Variants in MEMO1 observed in about 807,000 individuals in gnomAD.
MEMO1 encodes mediator of cell motility 1.
In MEMO1, 6 loss-of-function variants were observed where a neutral mutation model predicts 45.2. That is an observed-to-expected ratio of 0.13 (90% CI 0.07 to 0.26). The LOEUF is 0.26. MEMO1 is among the 10% of genes least tolerant of loss of function. The probability of loss-of-function intolerance (pLI) is 1.00; values close to 1 mark genes in which losing one functional copy is unlikely to be tolerated. For missense variants in MEMO1, 184 were observed against 370.5 expected (o/e 0.50, Z 4.13); for synonymous variants, 78 against 124.3 (o/e 0.63, Z 2.48).
At chr2:31,902,583 TTAA>T (rs1207720880) in intron 6 of MEMO1, among the ~76,000 whole-genome samples, 1 of 152,074 alleles carries the variant, frequency 6.6e-6, no homozygotes, top group African/African-American at 2.4e-5. Context: ...GAAAAAACAG[TTAA>T]TAATACCTCA....
At chr2:31,957,679 A>C (rs959272612) in intron 2 of MEMO1, among the ~76,000 whole-genome samples, 1 of 152,232 alleles carries the variant, frequency 6.6e-6, no homozygotes, top group Non-Finnish European at 1.5e-5. Flanking sequence ...AACAGTCAAG[A>C]CATGAAACAC....
chr2:31,976,244 G>A (rs185228626), intron 2 of MEMO1, among the ~76,000 whole-genome samples: 160 of 152,248 alleles, frequency 1.1e-3, no homozygotes, highest in African/African-American at 3.6e-3. Flanking sequence ...CTTTCTCCAT[G>A]TACATTCCAA....
At chr2:31,948,931 T>C (rs922482244) in intron 2 of MEMO1, among the ~76,000 whole-genome samples, 2 of 152,068 alleles carry the variant, frequency 1.3e-5, no homozygotes, top group East Asian at 1.9e-4. Flanking sequence ...ACCCTAATAA[T>C]TGTATCAAAA....
At chr2:31,915,532 T>G (rs997603607) in intron 6 of MEMO1, among the ~76,000 whole-genome samples, 5 of 151,784 alleles carry the variant, frequency 3.3e-5, no homozygotes, top group Admixed American at 1.3e-4. Flanking sequence ...AAACTTCTGG[T>G]TTTACTCTCT....
chr2:31,882,257 G>A (rs748129405), intron 8 of MEMO1, among the ~76,000 whole-genome samples: 3 of 152,104 alleles, frequency 2.0e-5, no homozygotes, highest in Non-Finnish European at 4.4e-5. Flanking sequence ...ATTCCAGGTT[G>A]CAGGGAGCTA....
intron 2 of MEMO1, among the ~76,000 whole-genome samples, chr2:31,949,760 G>A (rs1336784096): frequency 6.6e-5 from 10 of 151,912 alleles, no homozygotes; most frequent in Non-Finnish European, 4.4e-5. Flanking sequence ...GAGTATGATT[G>A]GATTCTTTGT....
At position 31,868,010 on chromosome 2, in the gene MEMO1, G is replaced by A. The variant is rs1394118154; in HGVS notation, c.*351C>T. On this transcript the variant is annotated 3_prime_UTR_variant, in exon 10 of 10. Transcript: ENST00000404530. ...TACAATTTGCAAAACTATTCTGAAA[G>A]CGGAATATATGTGCACAAGTCTGCA... 1.3e-5 allele frequency: 2 copies of A among 157,630 alleles called. No homozygotes were observed. Among genetic ancestry groups the A allele is most frequent in the Admixed American group, 1.3e-4 (2 of 15,388 alleles). The allele number at this position is 157,630 out of a possible 1,614,324, so 9.8% of individuals were successfully genotyped here.
chr2:32,006,759 G>T (rs1334064578), intron 2 of MEMO1, among the ~76,000 whole-genome samples: 1 of 152,054 alleles, frequency 6.6e-6, no homozygotes, highest in African/African-American at 2.4e-5. Flanking sequence ...GAGGTCAGGA[G>T]TTCAAGACCA....
intron 2 of MEMO1, among the ~76,000 whole-genome samples, chr2:31,958,509 C>A (rs1667652225): frequency 6.6e-6 from 1 of 151,976 alleles, no homozygotes; most frequent in African/African-American, 2.4e-5. Flanking sequence ...ACCACAGTCC[C>A]CACAAAACTT....
At chr2:31,977,577 G>A (rs893541678) in intron 2 of MEMO1, among the ~76,000 whole-genome samples, 1 of 151,964 alleles carries the variant, frequency 6.6e-6, no homozygotes, top group Non-Finnish European at 1.5e-5. Flanking sequence ...ACAGTGGCAC[G>A]ATCTCAGCTC....
At chr2:31,995,225 G>T (rs2148566039) in intron 2 of MEMO1, among the ~76,000 whole-genome samples, 1 of 152,220 alleles carries the variant, frequency 6.6e-6, no homozygotes, top group Admixed American at 6.5e-5. Flanking sequence ...GCCGAGGCGG[G>T]TGAATCACTT....
chr2:31,951,225 A>C (rs1666808544), intron 2 of MEMO1, among the ~76,000 whole-genome samples: 1 of 152,248 alleles, frequency 6.6e-6, no homozygotes. Flanking sequence ...TACCAAATTC[A>C]CATATGAACA....
intron 5 of MEMO1, among the ~76,000 whole-genome samples, chr2:31,919,105 C>A (rs1681898288): frequency 6.6e-6 from 1 of 151,488 alleles, no homozygotes; most frequent in Admixed American, 6.6e-5. Flanking sequence ...CAAATGGACT[C>A]TTTTATTATT....
At chr2:31,993,945 C>G (rs184754530) in intron 2 of MEMO1, among the ~76,000 whole-genome samples, 2 of 124,580 alleles carry the variant, frequency 1.6e-5, no homozygotes, top group African/African-American at 6.2e-5. Context: ...ATCATCAATA[C>G]TTTCTTTTTT....
intron 2 of MEMO1, among the ~76,000 whole-genome samples, chr2:31,991,390 G>T (rs905590506): frequency 6.6e-6 from 1 of 152,054 alleles, no homozygotes; most frequent in Non-Finnish European, 1.5e-5. Flanking sequence ...TGACCAACAC[G>T]GAGAAACCCC....
intron 2 of MEMO1, among the ~76,000 whole-genome samples, chr2:31,980,982 C>T (rs765306975): frequency 6.6e-6 from 1 of 152,190 alleles, no homozygotes; most frequent in South Asian, 2.1e-4. Context: ...ACTAGATAAA[C>T]TAATCAGTGT....
intron 6 of MEMO1, among the ~76,000 whole-genome samples, chr2:31,896,143 AG>A (rs1461408629): frequency 3.3e-5 from 5 of 152,078 alleles, no homozygotes; most frequent in African/African-American, 4.8e-5. Flanking sequence ...GTGCCTGGCA[AG>A]AAAAAAATCG....
chr2:31,974,089 C>G (rs991161359), intron 2 of MEMO1, among the ~76,000 whole-genome samples: 4 of 152,232 alleles, frequency 2.6e-5, no homozygotes, highest in African/African-American at 7.2e-5. Context: ...GTTTCTCGCT[C>G]GCTCCCTCCC....
chr2:32,002,014 C>T (rs1673382247), intron 2 of MEMO1, among the ~76,000 whole-genome samples: 1 of 151,210 alleles, frequency 6.6e-6, no homozygotes, highest in Non-Finnish European at 1.5e-5. Flanking sequence ...AGTGTGGTGG[C>T]ACATGCCTGT....
Sources: allele counts gnomAD v4.1 joint callset (sites outside exome capture counted in the v4.1 genomes callset), GRCh38; gene constraint gnomAD v4.1.1; transcripts MANE v1.5; gene names NCBI Gene and HGNC (gene_info 2026-07-23, HGNC 2026-07-21).